The following OLFM3 variants were observed in gnomAD, a reference collection of about 807,000 sequenced individuals.
OLFM3 encodes noelin-3.
OLFM3 carries 20 observed loss-of-function variants against 48.6 expected under a neutral mutation model. That is an observed-to-expected ratio of 0.41 (90% confidence interval 0.29 to 0.60). The LOEUF (loss-of-function observed/expected upper bound fraction) is 0.60, where lower values mean the gene tolerates loss of function less well. Ranked by LOEUF, OLFM3 falls within the 20% of genes least tolerant of loss-of-function variation. The pLI, the probability that OLFM3 is intolerant of heterozygous loss-of-function variation, is 0.28. For missense variants in OLFM3, 437 were observed against 544.3 expected, an observed-to-expected ratio of 0.80 and a Z score of 1.96; for synonymous variants, 222 against 198.1, an observed-to-expected ratio of 1.12 and a Z score of -1.01.
chr1:101,906,269 C>G, intron 1 of OLFM3, among the ~76,000 whole-genome samples: 1 of 151,864 alleles, frequency 6.6e-6, no homozygotes, highest in East Asian at 1.9e-4. Flanking sequence ...CATCTGTTTA[C>G]AAATGACACA....
At chr1:101,990,308 A>G (rs1445297836) in intron 1 of OLFM3, among the ~76,000 whole-genome samples, 2 of 152,218 alleles carry the variant, frequency 1.3e-5, no homozygotes. Flanking sequence ...AAAGCTGAGA[A>G]GAGGAAACAG....
At chr1:101,899,859 C>G (rs149055471) in intron 1 of OLFM3, among the ~76,000 whole-genome samples, 211 of 152,052 alleles carry the variant, frequency 1.4e-3, no homozygotes, top group Non-Finnish European at 2.6e-3. Flanking sequence ...ACATAAGTTA[C>G]TTATTTAGCT....
chr1:101,808,709 C>A (rs1229383281), intron 4 of OLFM3, among the ~76,000 whole-genome samples: 1 of 151,802 alleles, frequency 6.6e-6, no homozygotes, highest in Non-Finnish European at 1.5e-5. Flanking sequence ...GCCTACTCAC[C>A]ACAGAAAGAA....
chr1:101,910,099 A>G (rs1658698208), intron 1 of OLFM3: 21 of 985,348 alleles, frequency 2.1e-5, no homozygotes, highest in Non-Finnish European at 2.5e-5. Flanking sequence ...CTTGTCTCAG[A>G]GAAGCTTCAG....
At chr1:101,983,347 T>C (rs1470744066) in intron 1 of OLFM3, among the ~76,000 whole-genome samples, 1 of 152,208 alleles carries the variant, frequency 6.6e-6, no homozygotes, top group South Asian at 2.1e-4. Context: ...AACTCTCTCT[T>C]ATCCTCCATT....
At chr1:101,920,067 T>C (rs946446907) in intron 1 of OLFM3, among the ~76,000 whole-genome samples, 1 of 152,236 alleles carries the variant, frequency 6.6e-6, no homozygotes, top group African/African-American at 2.4e-5. Context: ...TTCCAGAATA[T>C]GAACCTTCTC....
chr1:101,888,421 T>C (rs1657855951), intron 1 of OLFM3, among the ~76,000 whole-genome samples: 3 of 152,280 alleles, frequency 2.0e-5, no homozygotes, highest in East Asian at 3.9e-4. Flanking sequence ...ATTTAATAAA[T>C]GGTGCTGGGA....
intron 3 of OLFM3, among the ~76,000 whole-genome samples, chr1:101,828,982 C>A (rs1053977713): frequency 4.6e-5 from 7 of 152,156 alleles, no homozygotes; most frequent in Non-Finnish European, 1.0e-4. Flanking sequence ...ACGAAACCAG[C>A]TCTTCTCCTG....
At chr1:101,863,928 T>C (rs17125616) in intron 1 of OLFM3, among the ~76,000 whole-genome samples, 59,173 of 152,026 alleles carry the variant, frequency 0.39, 12,951 homozygotes, top group Non-Finnish European at 0.51. Context: ...CTAACTGCTA[T>C]TGGCTCCCAG....
intron 1 of OLFM3, among the ~76,000 whole-genome samples, chr1:101,949,555 C>G (rs1165901931): frequency 6.6e-6 from 1 of 152,110 alleles, no homozygotes; most frequent in East Asian, 1.9e-4. Flanking sequence ...ACCCCTACAT[C>G]TCTATCTTCC....
intron 4 of OLFM3, among the ~76,000 whole-genome samples, chr1:101,817,070 T>C: frequency 6.6e-6 from 1 of 152,280 alleles, no homozygotes; most frequent in Middle Eastern, 3.4e-3. Flanking sequence ...GCATAGATAC[T>C]GTAAAATGTG....
At chr1:101,876,594 A>G (rs1196954098) in intron 1 of OLFM3, among the ~76,000 whole-genome samples, 1 of 152,084 alleles carries the variant, frequency 6.6e-6, no homozygotes, top group Non-Finnish European at 1.5e-5. Flanking sequence ...TGACCAAAAT[A>G]AGAGATAAAC....
intron 4 of OLFM3, among the ~76,000 whole-genome samples, chr1:101,814,976 G>A (rs545109124): frequency 1.3e-5 from 2 of 152,162 alleles, no homozygotes; most frequent in African/African-American, 4.8e-5. Flanking sequence ...AGAAGAAGAC[G>A]AGATTGGAGA....
intron 1 of OLFM3, among the ~76,000 whole-genome samples, chr1:101,985,841 T>C (rs1661218961): frequency 6.6e-6 from 1 of 152,180 alleles, no homozygotes; most frequent in South Asian, 2.1e-4. Context: ...ATTGCAGTGA[T>C]TTTTCTCCAA....
At chr1:101,812,029 T>G (rs1203662434) in intron 4 of OLFM3, among the ~76,000 whole-genome samples, 2 of 152,178 alleles carry the variant, frequency 1.3e-5, no homozygotes, top group Non-Finnish European at 1.5e-5. Flanking sequence ...GTTCGTGTCC[T>G]TTGTAGGGAC....
At chr1:101,863,135 A>G (rs1557706844) in intron 1 of OLFM3, among the ~76,000 whole-genome samples, 1 of 151,664 alleles carries the variant, frequency 6.6e-6, no homozygotes, top group African/African-American at 2.4e-5. Flanking sequence ...TAACTTTTGT[A>G]TTTTTTAGTA....
chr1:101,867,509 T>C (rs111599453), intron 1 of OLFM3, among the ~76,000 whole-genome samples: 7 of 152,346 alleles, frequency 4.6e-5, no homozygotes, highest in African/African-American at 1.4e-4. Flanking sequence ...TAGACTAGAA[T>C]ACTATACCAC....
chr1:101,938,484 G>T (rs1033747119), intron 1 of OLFM3, among the ~76,000 whole-genome samples: 2 of 152,184 alleles, frequency 1.3e-5, no homozygotes, highest in African/African-American at 4.8e-5. Flanking sequence ...GCTGCCTTCT[G>T]ATGTTCTACC....
intron 1 of OLFM3, among the ~76,000 whole-genome samples, chr1:101,992,703 G>C (rs775977708): frequency 6.6e-6 from 1 of 151,650 alleles, no homozygotes; most frequent in Non-Finnish European, 1.5e-5. Context: ...ATGTATGAAA[G>C]CTACACTTAG....
Sources: gnomAD v4.1 joint callset for allele counts (sites outside exome capture counted in the v4.1 genomes callset) on GRCh38, gnomAD v4.1.1 for gene constraint, MANE v1.5 for transcripts, NCBI Gene and HGNC (gene_info 2026-07-23, HGNC 2026-07-21) for gene names.